Variants in UBR1 observed in about 807,000 individuals in gnomAD.
UBR1 encodes the protein E3 ubiquitin-protein ligase UBR1.
Under a neutral mutation model 242.1 loss-of-function variants are expected in UBR1, and 102 were observed. That is an observed-to-expected ratio of 0.42 (90% confidence interval 0.36 to 0.50). UBR1 has a LOEUF of 0.50. UBR1 is among the 20% of genes least tolerant of loss of function. UBR1 has a pLI of 0.01. For missense variants in UBR1, 1,772 were observed against 2,101.8 expected (o/e 0.84, Z 3.07); for synonymous variants, 675 against 684.8 (o/e 0.99, Z 0.22).
intron 15 of UBR1, among the ~76,000 whole-genome samples, chr15:43,040,641 G>T (rs376666504): frequency 2.0e-5 from 3 of 152,110 alleles, no homozygotes; most frequent in African/African-American, 7.2e-5. Context: ...AGAAACTACC[G>T]TCAGAGTGAA....
chr15:43,062,348 AACAG>A (rs1227513748), intron 6 of UBR1, among the ~76,000 whole-genome samples: 2 of 152,066 alleles, frequency 1.3e-5, no homozygotes, highest in Non-Finnish European at 2.9e-5. Context: ...TATATATACA[AACAG>A]ACAAATACTG....
At chr15:43,048,648 C>T (rs1381490151) in intron 12 of UBR1, among the ~76,000 whole-genome samples, 157 bp from the exon 13 acceptor site, 2 of 152,152 alleles carry the variant, frequency 1.3e-5, no homozygotes, top group African/African-American at 2.4e-5. Flanking sequence ...ATTTATTCTG[C>T]CTTATTTTAA....
At chr15:43,018,512 C>T (rs920017956) in intron 27 of UBR1, among the ~76,000 whole-genome samples, 1 of 152,184 alleles carries the variant, frequency 6.6e-6, no homozygotes, top group African/African-American at 2.4e-5. Context: ...CTCAGCCTCT[C>T]AAGTAGCTGG....
chr15:42,976,844 T>C lies in UBR1; in HGVS notation c.4242A>G (p.Pro1414=), dbSNP rs752846290. 6.2e-7 allele frequency: 1 copy of C among 1,613,916 alleles called. No individual in the cohort carries two copies. Among genetic ancestry groups the C allele is most frequent in the South Asian group, 1.1e-5 (1 of 91,080 alleles). Residue 1414 remains proline (P), a synonymous_variant, in exon 39 of 47, where the codon CCA becomes CCG. Coordinates refer to ENST00000290650, the MANE Select transcript of UBR1 (RefSeq NM_174916.3). The part of the protein sequence containing the change: ...HVLVGAVLAF[P]SLYWDDPVDL... The stretch of plus-strand genomic sequence containing the variant: ...CAACAGGGTCATCCCAATACAAGGA[T>C]GGGAATGCTAACACAGCACCCACCT...
rs189908149 is a variant in UBR1 at position 43,044,093 on chromosome 15, C to T, written c.1669-698G>A. Among the ~76,000 whole-genome samples the T allele has an allele frequency of 1.8e-3, 270 of 152,264 alleles. 2 individuals are homozygous for T. Among genetic ancestry groups the T allele is most frequent in the African/African-American group, 4.6e-3 (190 of 41,566 alleles). ...AATAAAGACAAAAATAAGAGAAATA[C>T]AACTCCTATTCAGGCAGTGGAGAAT... On this transcript the variant is annotated intron_variant, in intron 14 of 46. Transcript: ENST00000290650.
chr15:43,006,106 G>GAAAAAAAAAA (rs1235960946), intron 30 of UBR1, among the ~76,000 whole-genome samples: 1 of 111,438 alleles, frequency 9.0e-6, no homozygotes. Context: ...AAAAAAAAAA[G>GAAAAAAAAAA]AAAAAAAAAA....
intron 15 of UBR1, among the ~76,000 whole-genome samples, chr15:43,040,561 A>C (rs2033404006): frequency 6.6e-6 from 1 of 152,348 alleles, no homozygotes; most frequent in East Asian, 1.9e-4. Context: ...TGTCTAAAAC[A>C]CCAAAAGCAA....
chr15:43,008,187 C>T (rs1258667676), intron 29 of UBR1, among the ~76,000 whole-genome samples: 1 of 152,244 alleles, frequency 6.6e-6, no homozygotes, highest in Admixed American at 6.5e-5. Context: ...GGGCAACGTG[C>T]TCCATGTAGC....
At chr15:43,055,798 C>T (rs1459001335) in intron 11 of UBR1, among the ~76,000 whole-genome samples, 6 of 151,878 alleles carry the variant, frequency 4.0e-5, no homozygotes, top group Non-Finnish European at 8.8e-5. Flanking sequence ...GCCCGTAGTC[C>T]CAGCTACTTG....
At chr15:43,074,198 T>C (rs191146704) in intron 4 of UBR1, among the ~76,000 whole-genome samples, 12 of 152,364 alleles carry the variant, frequency 7.9e-5, no homozygotes, top group African/African-American at 2.4e-4. Context: ...TGATTCCTTC[T>C]GTATTTGTGA....
chr15:43,035,694 T>A (rs2033324256), intron 19 of UBR1, among the ~76,000 whole-genome samples: 1 of 149,666 alleles, frequency 6.7e-6, no homozygotes, highest in Non-Finnish European at 1.5e-5. Flanking sequence ...GGACATGAAG[T>A]CCTTGCCCAT....
chr15:43,021,956 T>C (rs978328187), intron 26 of UBR1, among the ~76,000 whole-genome samples: 36 of 152,192 alleles, frequency 2.4e-4, no homozygotes, highest in African/African-American at 8.4e-4. Context: ...TTACATCTTT[T>C]ACTGGCACTG....
intron 15 of UBR1, among the ~76,000 whole-genome samples, chr15:43,041,954 C>T (rs1052017532): frequency 3.3e-5 from 5 of 151,904 alleles, no homozygotes; most frequent in Admixed American, 2.0e-4. Flanking sequence ...ACTAGGGACA[C>T]GCAAATCAAA....
intron 27 of UBR1, 55 bp downstream of exon 27, chr15:43,021,220 A>G (rs1488218608): frequency 1.4e-6 from 2 of 1,461,072 alleles, no homozygotes; most frequent in Non-Finnish European, 1.9e-6. Context: ...GGAGGCAAGC[A>G]GAGAATTCTT....
intron 1 of UBR1, among the ~76,000 whole-genome samples, chr15:43,096,209 T>C (rs1193013185): frequency 6.6e-6 from 1 of 151,288 alleles, no homozygotes; most frequent in Admixed American, 6.6e-5. Flanking sequence ...AGTCTCACTC[T>C]ATCCCTCAGA....
At position 42,943,992 on chromosome 15, in the gene UBR1, T is replaced by G. The variant is rs1475896648; in HGVS notation, c.*1337A>C. On this transcript the variant is annotated 3_prime_UTR_variant, in exon 47 of 47. Coordinates refer to ENST00000290650, the MANE Select transcript of UBR1 (RefSeq NM_174916.3). ...TGCATCACTAATCACTTAGCAAATA[T>G]ATTTTACTTGCTTGCCTTTGCTGAG... 6.6e-6 allele frequency: 1 copy of G among 152,266 alleles called. No individual in the cohort carries two copies. The highest frequency in any genetic ancestry group is 1.9e-4 in the East Asian group (1 of 5,202). 9.4% of individuals were successfully genotyped at this position (152,266 alleles called of 1,614,324 possible). A position where few individuals can be genotyped will look rare whatever the true frequency, so the allele number is the denominator to read the frequency against.
intron 3 of UBR1, among the ~76,000 whole-genome samples, chr15:43,076,929 C>T (rs1444484450): frequency 1.7e-4 from 18 of 104,422 alleles, no homozygotes; most frequent in African/African-American, 6.1e-4. Flanking sequence ...CCCGGCCAGC[C>T]GCCCTATCCA....
chr15:43,015,972 AT>A, intron 28 of UBR1, 103 bp from the exon 29 acceptor site: 1 of 1,014,870 alleles, frequency 9.9e-7, no homozygotes, highest in Non-Finnish European at 1.5e-6. Context: ...TGAAACCCTG[AT>A]TACCCCTTAC....
At chr15:42,959,557 T>C (rs566192390) in intron 43 of UBR1, among the ~76,000 whole-genome samples, 3 of 152,362 alleles carry the variant, frequency 2.0e-5, no homozygotes, top group African/African-American at 7.2e-5. Context: ...ATGTTACCTC[T>C]TTTAAATTTT....
Sources: allele counts gnomAD v4.1 joint callset (sites outside exome capture counted in the v4.1 genomes callset), GRCh38; gene constraint gnomAD v4.1.1; transcripts MANE v1.5; gene names NCBI Gene and HGNC (gene_info 2026-07-23, HGNC 2026-07-21).